ASIC2: variants seen among roughly 807,000 people sequenced by gnomAD.
The protein encoded by ASIC2 is acid sensing ion channel subunit 2.
In ASIC2, 25 loss-of-function variants were observed where a neutral mutation model predicts 57.3. The ratio of observed to expected loss-of-function variants is 0.44; its 90% CI spans 0.32 to 0.61. The LOEUF is 0.61. Ranked by LOEUF, ASIC2 falls within the 20% of genes least tolerant of loss-of-function variation. The probability of loss-of-function intolerance (pLI) is 0.06; values close to 1 mark genes in which losing one functional copy is unlikely to be tolerated. For synonymous variants in ASIC2, 319 were observed against 307.5 expected (o/e 1.04, Z -0.39); for missense variants, 641 against 738.1 (o/e 0.87, Z 1.52).
At chr17:33,473,104 C>T (rs573298679) in intron 1 of ASIC2, among the ~76,000 whole-genome samples, 2 of 152,310 alleles carry the variant, frequency 1.3e-5, no homozygotes, top group South Asian at 4.1e-4. Flanking sequence ...ACTTTGGCTC[C>T]TGCTGGCTTT....
intron 1 of ASIC2, among the ~76,000 whole-genome samples, chr17:33,656,498 C>T (rs1907080370): frequency 1.3e-5 from 2 of 152,322 alleles, no homozygotes; most frequent in African/African-American, 2.4e-5. Context: ...GCCAGGGTCC[C>T]CCTCAGCAAG....
chr17:33,968,519 C>T (rs917503576), intron 1 of ASIC2, among the ~76,000 whole-genome samples: 2 of 152,244 alleles, frequency 1.3e-5, no homozygotes, highest in African/African-American at 2.4e-5. Context: ...TAAACCATCA[C>T]ATGGAAAGCC....
At chr17:33,241,973 C>T (rs1211906092) in intron 1 of ASIC2, among the ~76,000 whole-genome samples, 7 of 152,236 alleles carry the variant, frequency 4.6e-5, no homozygotes, top group Non-Finnish European at 8.8e-5. Context: ...TCTCAAAACA[C>T]TGGAGTACAG....
At chr17:33,781,115 G>T (rs1008267142) in intron 1 of ASIC2, among the ~76,000 whole-genome samples, 7 of 152,112 alleles carry the variant, frequency 4.6e-5, no homozygotes, top group African/African-American at 1.4e-4. Flanking sequence ...AGGGGGATGG[G>T]GGTGGTTCCC....
rs11305436 is a variant in ASIC2, at chr17:34,105,480, C to CT, written c.555+50497dup. ...ATCTTTATTATTTCCTTTCATCTAC[C>CT]TTTTTTTTTTTTTTTGCTTGTTTTT... is the stretch of plus-strand genomic sequence containing the variant. On this transcript the variant is annotated intron_variant, in intron 1 of 9. Transcript: ENST00000359872. 4.9e-3 allele frequency among the ~76,000 whole-genome samples: 601 copies of CT among 122,866 alleles called. 2 individuals carry two copies. Among genetic ancestry groups the CT allele is most frequent in the South Asian group, 0.017 (66 of 3,846 alleles). The allele number at this position is 122,866 out of a possible 152,430, so 80.6% of individuals were successfully genotyped here. A position where few individuals can be genotyped will look rare whatever the true frequency, so the allele number is the denominator to read the frequency against.
At chr17:33,578,749 A>C (rs779663109) in intron 1 of ASIC2, among the ~76,000 whole-genome samples, 1 of 152,050 alleles carries the variant, frequency 6.6e-6, no homozygotes. Context: ...TGGCTTTTCA[A>C]TACAGCCCCA....
At chr17:33,564,286 A>T (rs1369833162) in intron 1 of ASIC2, among the ~76,000 whole-genome samples, 1 of 152,234 alleles carries the variant, frequency 6.6e-6, no homozygotes, top group African/African-American at 2.4e-5. Context: ...CTCAATATTG[A>T]AAAACAGAAG....
At chr17:34,075,418 C>G (rs1462225646) in intron 1 of ASIC2, among the ~76,000 whole-genome samples, 2 of 152,194 alleles carry the variant, frequency 1.3e-5, no homozygotes, top group Non-Finnish European at 2.9e-5. Flanking sequence ...TGGTACTAGA[C>G]TCAATCAGTG....
At chr17:33,182,068 T>G (rs1355432434) in intron 1 of ASIC2, among the ~76,000 whole-genome samples, 1 of 152,146 alleles carries the variant, frequency 6.6e-6, no homozygotes, top group African/African-American at 2.4e-5. Flanking sequence ...GGCTGCAGTG[T>G]GACAAGTAGG....
intron 1 of ASIC2, chr17:33,935,851 G>T (rs1179346770): frequency 2.6e-5 from 4 of 152,218 alleles, no homozygotes; most frequent in African/African-American, 9.7e-5. Flanking sequence ...CAGTTCCTCA[G>T]AACACCTTAT....
At chr17:33,415,161 T>C (rs547938503) in intron 1 of ASIC2, among the ~76,000 whole-genome samples, 4 of 149,490 alleles carry the variant, frequency 2.7e-5, no homozygotes, top group African/African-American at 9.8e-5. Context: ...GGTTAAAACA[T>C]GACACTTGGA....
chr17:33,377,783 A>G (rs1909334885), intron 1 of ASIC2, among the ~76,000 whole-genome samples: 1 of 152,050 alleles, frequency 6.6e-6, no homozygotes, highest in Non-Finnish European at 1.5e-5. Context: ...CCTGTTTCTG[A>G]TTGTGGAGCA....
chr17:33,053,435 C>G (rs958955202), intron 3 of ASIC2, among the ~76,000 whole-genome samples: 7 of 152,102 alleles, frequency 4.6e-5, no homozygotes, highest in African/African-American at 7.2e-5. Flanking sequence ...TAAAAAGGAC[C>G]TTGGCCCCTT....
At chr17:33,945,795 A>C (rs2141981747) in intron 1 of ASIC2, among the ~76,000 whole-genome samples, 1 of 152,316 alleles carries the variant, frequency 6.6e-6, no homozygotes, top group South Asian at 2.1e-4. Context: ...ATTTGCTTGC[A>C]TCCAGAGCCA....
chr17:33,751,327 CA>C (rs1395215446), intron 1 of ASIC2, among the ~76,000 whole-genome samples: 3 of 152,192 alleles, frequency 2.0e-5, no homozygotes, highest in African/African-American at 7.2e-5. Flanking sequence ...GTGGCACTGC[CA>C]GGAATTGTTC....
chr17:33,931,475 TTTTC>T (rs1915930379), intron 1 of ASIC2: 1 of 152,232 alleles, frequency 6.6e-6, no homozygotes, highest in Admixed American at 6.5e-5. Context: ...CACTTCTGTC[TTTTC>T]TTTAACTCCT....
At chr17:33,876,657 A>G (rs1914553347) in intron 1 of ASIC2, among the ~76,000 whole-genome samples, 2 of 152,196 alleles carry the variant, frequency 1.3e-5, no homozygotes, top group Non-Finnish European at 2.9e-5. Flanking sequence ...CAGAGCTCAG[A>G]GTCCAGCAGT....
chr17:33,320,296 T>C (rs1477569769), intron 1 of ASIC2, among the ~76,000 whole-genome samples: 1 of 152,204 alleles, frequency 6.6e-6, no homozygotes, highest in African/African-American at 2.4e-5. Context: ...TAATGTTGTT[T>C]GTTGAGGCAT....
chr17:34,056,770 T>C (rs142685689), intron 1 of ASIC2, among the ~76,000 whole-genome samples: 213 of 152,362 alleles, frequency 1.4e-3, no homozygotes, highest in African/African-American at 5.0e-3. Flanking sequence ...CTTCAGGTCC[T>C]CAGTAAATGC....
Sources: gnomAD v4.1 joint callset for allele counts (sites outside exome capture counted in the v4.1 genomes callset) on GRCh38, gnomAD v4.1.1 for gene constraint, MANE v1.5 for transcripts, NCBI Gene and HGNC (gene_info 2026-07-23, HGNC 2026-07-21) for gene names.